The following PXDN variants were observed in gnomAD, a reference collection of about 807,000 sequenced individuals.
PXDN encodes peroxidasin homolog.
In PXDN, 77 loss-of-function variants were observed where a neutral mutation model predicts 140.3. The observed-to-expected ratio is 0.55, with a 90% CI of 0.46 to 0.66. The LOEUF is 0.66. Among genes scored for constraint, PXDN ranks in the 30% least tolerant of loss-of-function variants. PXDN has a pLI of 0.00. For synonymous variants in PXDN, 911 were observed against 857.4 expected, an observed-to-expected ratio of 1.06 and a Z score of -1.09; for missense variants, 1,838 against 2,039.5, an observed-to-expected ratio of 0.90 and a Z score of 1.90.
chr2:1,673,875 C>T, intron 8 of PXDN, 63 bp from the exon 9 acceptor site: 1 of 1,567,450 alleles, frequency 6.4e-7, no homozygotes, highest in Non-Finnish European at 8.8e-7. Context: ...CTCACCCATC[C>T]CCAGCACAGG....
In PXDN at chr2:1,744,321, G is replaced by A. The variant is rs1336795348; in HGVS notation, c.135C>T (p.Thr45=). 2.0e-6 allele frequency: 3 copies of A among 1,528,652 alleles called. No homozygotes were observed. The highest frequency in any genetic ancestry group is 2.8e-5 in the African/African-American group (2 of 71,784). 94.7% of individuals were successfully genotyped at this position (1,528,652 alleles called of 1,614,324 possible). Reference sequence around the variant, plus strand: ...GCAGCAGATGCATGCAGCGCACGGTGGTGCGGAAGCACAGGCAGCGGCTCG... The same window carrying A: ...GCAGCAGATGCATGCAGCGCACGGTAGTGCGGAAGCACAGGCAGCGGCTCG... ...GCPSRCLCFR[T]TVRCMHLLLE... is the part of the protein sequence containing the mutation. The change falls in exon 1 of 23, where the codon ACC becomes ACT. Residue 45 remains threonine, a synonymous_variant. Coordinates refer to ENST00000252804, the MANE Select transcript of PXDN (RefSeq NM_012293.3).
chr2:1,686,154 T>C (rs1037528508), intron 4 of PXDN, among the ~76,000 whole-genome samples: 1 of 152,196 alleles, frequency 6.6e-6, no homozygotes, highest in East Asian at 1.9e-4. Context: ...TACAGCCCTT[T>C]GCCCAAGTCT....
At chr2:1,721,004 T>G (rs983134436) in intron 1 of PXDN, among the ~76,000 whole-genome samples, 12 of 152,118 alleles carry the variant, frequency 7.9e-5, no homozygotes, top group African/African-American at 2.9e-4. Context: ...AGGTCAGCCT[T>G]TATTCCGTTA....
At chr2:1,688,857 C>G (rs1173507467) in intron 3 of PXDN, among the ~76,000 whole-genome samples, 1 of 148,550 alleles carries the variant, frequency 6.7e-6, no homozygotes, top group Non-Finnish European at 1.5e-5. Context: ...TAATTCATAT[C>G]CAGAAGGGCC....
intron 1 of PXDN, among the ~76,000 whole-genome samples, chr2:1,727,701 C>T (rs1368821855): frequency 6.6e-6 from 1 of 152,228 alleles, no homozygotes; most frequent in Admixed American, 6.5e-5. Flanking sequence ...CACCAGACCC[C>T]CTGTGAGTCA....
At chr2:1,647,830 C>A (rs1298983598) in intron 17 of PXDN, among the ~76,000 whole-genome samples, 1 of 152,214 alleles carries the variant, frequency 6.6e-6, no homozygotes, top group Non-Finnish European at 1.5e-5. Flanking sequence ...CTGGTGCGAA[C>A]AGTGTATTTT....
intron 1 of PXDN, among the ~76,000 whole-genome samples, chr2:1,706,428 C>T (rs1684609295): frequency 6.6e-6 from 1 of 152,278 alleles, no homozygotes; most frequent in African/African-American, 2.4e-5. Flanking sequence ...TCACCTGCCC[C>T]ACTAATAATA....
chr2:1,699,418 T>C (rs1343150350), intron 1 of PXDN, among the ~76,000 whole-genome samples: 3 of 152,168 alleles, frequency 2.0e-5, no homozygotes, highest in Non-Finnish European at 4.4e-5. Flanking sequence ...TATAGAAAAT[T>C]AAGAATTTGG....
rs947571349 is a variant in PXDN, at chr2:1,744,258, G to A, written c.198C>T (p.Ile66=). The change falls in exon 1 of 23, where the codon ATC becomes ATT. Residue 66 remains isoleucine (I), a splice_region_variant and synonymous_variant. Transcript: ENST00000252804. ...CCGGCGTCCCCCGCGGCACTCACAG[G>A]ATGGAGGTCTGCGGCGCCACGGCGG... ...AVPAVAPQTS[I]LDLRFNRIRE... The A allele has an allele frequency of 2.6e-6, 4 of 1,512,984 alleles. No homozygotes were observed. Among genetic ancestry groups the A allele is most frequent in the Non-Finnish European group, 3.5e-6 (4 of 1,136,578 alleles). 93.7% of individuals were successfully genotyped at this position (1,512,984 alleles called of 1,614,324 possible).
rs541777818 is a variant in PXDN at position 1,685,366 on chromosome 2, G to A, written c.417-1215C>T. ...CATGACGGGCGGGCACCTGACGCGC[G>A]GGTCCCGAGGAAGGCCGAACCCGAC... On this transcript the variant is annotated intron_variant, in intron 4 of 22. Coordinates refer to ENST00000252804, the MANE Select transcript of PXDN (RefSeq NM_012293.3). This position sits in a 1 kb window ranked among gnomAD's most constrained non-coding sequence, Gnocchi z 5.1. Among the ~76,000 whole-genome samples, 12 of 152,330 alleles carry A rather than the reference G, an allele frequency of 7.9e-5. No homozygotes were observed. The highest frequency in any genetic ancestry group is 2.1e-4 in the South Asian group (1 of 4,832).
intron 1 of PXDN, among the ~76,000 whole-genome samples, chr2:1,706,936 C>T (rs1684628314): frequency 6.8e-6 from 1 of 147,068 alleles, no homozygotes; most frequent in Non-Finnish European, 1.5e-5. Context: ...CAGCTCTAAG[C>T]ATCACCTGCC....
chr2:1,713,335 G>GT (rs1474232832), intron 1 of PXDN, among the ~76,000 whole-genome samples: 1 of 152,212 alleles, frequency 6.6e-6, no homozygotes, highest in African/African-American at 2.4e-5. Context: ...TTGTGCTGTG[G>GT]TAACTCAGCC....
intron 1 of PXDN, among the ~76,000 whole-genome samples, chr2:1,731,521 G>A (rs1318619393): frequency 6.6e-6 from 1 of 152,220 alleles, no homozygotes; most frequent in Non-Finnish European, 1.5e-5. Flanking sequence ...GGATGATGGT[G>A]GAGCTTCAGG....
intron 3 of PXDN, among the ~76,000 whole-genome samples, chr2:1,690,368 G>A (rs1684158489): frequency 6.6e-6 from 1 of 152,132 alleles, no homozygotes; most frequent in South Asian, 2.1e-4. Flanking sequence ...GCTCAGAGCC[G>A]GCTGTGCAGC....
Position 1,684,146 on chromosome 2 carries a change from A to T in PXDN, c.422T>A (p.Leu141Gln). 1 of 1,576,756 alleles carries T rather than the reference A, an allele frequency of 6.3e-7. No homozygotes were observed. The highest frequency in any genetic ancestry group is 8.6e-7 in the Non-Finnish European group (1 of 1,160,034). Residue 141 changes from leucine (L) to glutamine (Q), a missense_variant, in exon 5 of 23, where the codon CTG becomes CAG. By Grantham distance (113) the Leu-to-Gln change is moderately radical. Around this residue, in one of 5 missense-constraint regions of PXDN, gnomAD observed 231 missense variants for 201.5 expected, o/e 1.15. Transcript: ENST00000252804. ...KGLASLEQLY[L>Q]HFNQIETLDP... ...CAAAGTTTCTATCTGATTAAAGTGCAGGTATCTAGAGGAGTTAAAAGAAAA... is the reference window on the plus strand; with the variant it reads ...CAAAGTTTCTATCTGATTAAAGTGCTGGTATCTAGAGGAGTTAAAAGAAAA...
At chr2:1,725,985 G>A (rs1160259292) in intron 1 of PXDN, among the ~76,000 whole-genome samples, 1 of 150,616 alleles carries the variant, frequency 6.6e-6, no homozygotes, top group South Asian at 2.1e-4. Flanking sequence ...TGGTGGGACT[G>A]TAAACTAGTT....
intron 6 of PXDN, among the ~76,000 whole-genome samples, chr2:1,682,237 A>T (rs1683924076): frequency 6.6e-6 from 1 of 152,194 alleles, no homozygotes; most frequent in African/African-American, 2.4e-5. Flanking sequence ...TAGAGCATTT[A>T]TCTGGTGATT....
At chr2:1,729,845 T>C (rs796101264) in intron 1 of PXDN, among the ~76,000 whole-genome samples, 3 of 152,206 alleles carry the variant, frequency 2.0e-5, no homozygotes. Context: ...AAATGACCCA[T>C]AATAAAAATT....
intron 1 of PXDN, among the ~76,000 whole-genome samples, chr2:1,730,694 C>T (rs553297090): frequency 6.6e-6 from 1 of 152,154 alleles, no homozygotes; most frequent in Non-Finnish European, 1.5e-5. Context: ...CTGCTGGCTT[C>T]CTTCTAAGCC....
Sources: gnomAD v4.1 joint callset for allele counts (sites outside exome capture counted in the v4.1 genomes callset) on GRCh38, gnomAD v4.1.1 for gene constraint, gnomAD v4.1.1 regional missense constraint, Gnocchi (gnomAD v3.1) non-coding constraint, MANE v1.5 for transcripts, NCBI Gene and HGNC (gene_info 2026-07-23, HGNC 2026-07-21) for gene names.